Variants in NOVA2 observed in about 807,000 individuals in gnomAD.
NOVA2 encodes the protein RNA-binding protein Nova-2.
In NOVA2, 9 loss-of-function variants were observed where a neutral mutation model predicts 22.5. The ratio of observed to expected loss-of-function variants is 0.40; its 90% confidence interval spans 0.24 to 0.70. The LOEUF (loss-of-function observed/expected upper bound fraction) is 0.70. Ranked by LOEUF, NOVA2 falls within the 30% of genes least tolerant of loss-of-function variation. The pLI, the probability that NOVA2 is intolerant of heterozygous loss-of-function variation, is 0.38. For synonymous variants in NOVA2, 318 were observed against 335.2 expected, an observed-to-expected ratio of 0.95 and a Z score of 0.56; for missense variants, 383 against 682.8, an observed-to-expected ratio of 0.56 and a Z score of 4.89.
At chr19:45,943,607 A>G (rs1221819683) in intron 3 of NOVA2, among the ~76,000 whole-genome samples, 3 of 151,242 alleles carry the variant, frequency 2.0e-5, no homozygotes, top group African/African-American at 7.3e-5. Flanking sequence ...AGTCCCAGCT[A>G]CTCAGGAGGC....
At chr19:45,944,836 G>C (rs1967813719) in intron 3 of NOVA2, among the ~76,000 whole-genome samples, 1 of 152,230 alleles carries the variant, frequency 6.6e-6, no homozygotes, top group African/African-American at 2.4e-5. Flanking sequence ...TTGGGTAATA[G>C]ATACTTTCTG....
Position 45,967,614 on chromosome 19 carries a change from T to G in NOVA2, c.85+5653A>C, listed in dbSNP as rs537010444. On this transcript the variant is annotated intron_variant, in intron 1 of 3. Coordinates refer to ENST00000263257, the MANE Select transcript of NOVA2 (RefSeq NM_002516.4). ...CTTGGAAAGGTGCCGTCTTTCCCCTTCTAGTCACTGAGTCTCTGCTCTTGC... is the reference window on the plus strand; with the variant it reads ...CTTGGAAAGGTGCCGTCTTTCCCCTGCTAGTCACTGAGTCTCTGCTCTTGC... 3.2e-4 allele frequency: 48 copies of G among 152,288 alleles called. 1 individual carries two copies. The highest frequency in any genetic ancestry group is 1.1e-3 in the African/African-American group (46 of 41,546). The allele number at this position is 152,288 out of a possible 1,614,324, so 9.4% of individuals were successfully genotyped here.
chr19:45,970,400 G>A, intron 1 of NOVA2, among the ~76,000 whole-genome samples: 1 of 150,108 alleles, frequency 6.7e-6, no homozygotes, highest in Non-Finnish European at 1.5e-5. Context: ...TTTTGAGATG[G>A]CGTTTCGCTC....
Position 45,939,715 on chromosome 19 carries a change from G to T in NOVA2, c.*148C>A, listed in dbSNP as rs937047200. 8 of 990,358 alleles carry T rather than the reference G, an allele frequency of 8.1e-6. No homozygotes were observed. The highest frequency in any genetic ancestry group is 2.7e-5 in the Admixed American group (1 of 37,104). 61.3% of individuals were successfully genotyped at this position (990,358 alleles called of 1,614,324 possible). On this transcript the variant is annotated 3_prime_UTR_variant, in exon 4 of 4. Coordinates refer to ENST00000263257, the MANE Select transcript of NOVA2 (RefSeq NM_002516.4). Reference sequence around the variant, plus strand: ...CACTCAATCCTGCCTATGACTACCAGAAGGGGAGGGTGCAGTCGGGCCTAC... The same window carrying T: ...CACTCAATCCTGCCTATGACTACCATAAGGGGAGGGTGCAGTCGGGCCTAC...
chr19:45,968,901 G>A (rs1423236537), intron 1 of NOVA2, among the ~76,000 whole-genome samples: 1 of 152,192 alleles, frequency 6.6e-6, no homozygotes, highest in African/African-American at 2.4e-5. Flanking sequence ...GCTCACGCCT[G>A]TAATCCCAGC....
At chr19:45,955,315 T>A (rs1967988457) in intron 2 of NOVA2, among the ~76,000 whole-genome samples, 1 of 152,180 alleles carries the variant, frequency 6.6e-6, no homozygotes, top group Non-Finnish European at 1.5e-5. Flanking sequence ...AAAGACCCTA[T>A]GACCAGTGTG....
In NOVA2 at chr19:45,973,354, G is replaced by T. The variant is rs773774787; in HGVS notation, c.-3C>A. ...GAATCCGGGGCCTCGGGCTCCATGG[G>T]GGGGGCCTGGGGCGGCGGCTGCTGC... On this transcript the variant is annotated 5_prime_UTR_variant, in exon 1 of 4. Coordinates refer to ENST00000263257, the MANE Select transcript of NOVA2 (RefSeq NM_002516.4). 10 of 1,068,238 alleles carry T rather than the reference G, an allele frequency of 9.4e-6. No homozygotes were observed. Among genetic ancestry groups the T allele is most frequent in the African/African-American group, 1.7e-5 (1 of 60,034 alleles). The allele number at this position is 1,068,238 out of a possible 1,614,324, so 66.2% of individuals were successfully genotyped here. A position where few individuals can be genotyped will look rare whatever the true frequency, so the allele number is the denominator to read the frequency against.
intron 2 of NOVA2, among the ~76,000 whole-genome samples, chr19:45,955,436 C>T (rs763731611): frequency 2.0e-5 from 3 of 152,034 alleles, no homozygotes; most frequent in Non-Finnish European, 4.4e-5. Flanking sequence ...TGAATTACAG[C>T]GAGACAAAGA....
chr19:45,938,322 C>G lies in NOVA2; in HGVS notation c.*1541G>C, dbSNP rs1481474955. 3 of 152,464 alleles carry G rather than the reference C, an allele frequency of 2.0e-5. No individual in the cohort carries two copies. The South Asian group carries it at 6.2e-4, about 32-fold the overall frequency. The allele number at this position is 152,464 out of a possible 1,614,324, so 9.4% of individuals were successfully genotyped here. On this transcript the variant is annotated 3_prime_UTR_variant, in exon 4 of 4. Coordinates refer to ENST00000263257, the MANE Select transcript of NOVA2 (RefSeq NM_002516.4). Reference sequence around the variant, plus strand: ...ATCAGAACATTCTAGTTCTCCAGAGCCCCTGGTGAGCACACCAAAACATTC... The same window carrying G: ...ATCAGAACATTCTAGTTCTCCAGAGGCCCTGGTGAGCACACCAAAACATTC...
intron 2 of NOVA2, among the ~76,000 whole-genome samples, chr19:45,957,057 T>C (rs920761201): frequency 2.0e-5 from 3 of 152,242 alleles, no homozygotes; most frequent in Non-Finnish European, 4.4e-5. Flanking sequence ...ATGTATTAAG[T>C]AGTCATTCAA....
At position 45,940,153 on chromosome 19, in the gene NOVA2, C is replaced by T. The variant is rs1403682795; in HGVS notation, c.1189G>A (p.Ala397Thr). 1 of 1,606,166 alleles carries T rather than the reference C, an allele frequency of 6.2e-7. No individual in the cohort carries two copies. Among genetic ancestry groups the T allele is most frequent in the South Asian group, 1.1e-5 (1 of 90,938 alleles). The change falls in exon 4 of 4, where the codon GCG becomes ACG. Residue 397 changes from alanine to threonine, a missense_variant. Coordinates refer to ENST00000263257, the MANE Select transcript of NOVA2 (RefSeq NM_002516.4). ...AAGAAGGFLT[A>T]EKLAAESAKE... is the part of the protein sequence containing the mutation. ...GCACTCTCAGCCGCCAGCTTCTCCGCCGTCAGGAAGCCCCCGGCCGCCCCG... is the reference window on the plus strand; with the variant it reads ...GCACTCTCAGCCGCCAGCTTCTCCGTCGTCAGGAAGCCCCCGGCCGCCCCG...
At chr19:45,960,964 G>A (rs534367605) in intron 2 of NOVA2, 46 bp downstream of exon 2, 2 of 1,540,364 alleles carry the variant, frequency 1.3e-6, no homozygotes, top group Non-Finnish European at 1.8e-6. Flanking sequence ...GGGAGAAAGG[G>A]AGGAAGGGCG....
rs1327991762 is a variant in NOVA2 at position 45,956,184 on chromosome 19, G to A, written c.230-2238C>T. On this transcript the variant is annotated intron_variant, in intron 2 of 3. Transcript: ENST00000263257. ...ATGGCTTGGTCTGAGCCAAGGGTGA[G>A]TCAGCCTGCAGTCTGCCTCCGTCTG... Among the ~76,000 whole-genome samples, 3 of 150,664 alleles carry A rather than the reference G, an allele frequency of 2.0e-5. No individual in the cohort carries two copies. In the East Asian group the frequency reaches 6.0e-4, roughly 30 times the overall value.
At chr19:45,964,499 T>C (rs540591897) in intron 1 of NOVA2, among the ~76,000 whole-genome samples, 62 of 151,650 alleles carry the variant, frequency 4.1e-4, no homozygotes, top group African/African-American at 1.4e-3. Flanking sequence ...CTATTTTCAA[T>C]GTCTCACGTA....
chr19:45,969,396 A>G (rs528962667), intron 1 of NOVA2, among the ~76,000 whole-genome samples: 1 of 150,294 alleles, frequency 6.7e-6, no homozygotes, highest in Admixed American at 6.7e-5. Context: ...AGTTCCAGCT[A>G]CTGGGGAAAC....
intron 3 of NOVA2, among the ~76,000 whole-genome samples, chr19:45,946,822 A>G (rs1967846745): frequency 6.6e-6 from 1 of 151,446 alleles, no homozygotes; most frequent in African/African-American, 2.4e-5. Context: ...CAGCGAGCCG[A>G]GATCATCGCA....
intron 1 of NOVA2, among the ~76,000 whole-genome samples, chr19:45,970,809 C>T (rs534243176): frequency 1.4e-4 from 21 of 152,246 alleles, no homozygotes; most frequent in South Asian, 4.1e-4. Flanking sequence ...GGATCAAAGT[C>T]CTGGACCCTT....
chr19:45,961,652 T>C (rs1322789964), intron 1 of NOVA2, among the ~76,000 whole-genome samples: 2 of 152,164 alleles, frequency 1.3e-5, no homozygotes, highest in African/African-American at 4.8e-5. Flanking sequence ...GGTGCTATAC[T>C]GTTCTAAGTA....
intron 1 of NOVA2, among the ~76,000 whole-genome samples, chr19:45,963,071 T>C (rs1568671249): frequency 6.6e-6 from 1 of 152,192 alleles, no homozygotes; most frequent in Admixed American, 6.5e-5. Flanking sequence ...TGGACACTTC[T>C]CAGTATAAGA....
Sources: allele counts gnomAD v4.1 joint callset (sites outside exome capture counted in the v4.1 genomes callset), GRCh38; gene constraint gnomAD v4.1.1; transcripts MANE v1.5; gene names NCBI Gene and HGNC (gene_info 2026-07-23, HGNC 2026-07-21).